APBB2: variants seen among roughly 807,000 people sequenced by gnomAD.
APBB2 encodes amyloid beta precursor protein binding family B member 2.
Under a neutral mutation model 82.5 loss-of-function variants are expected in APBB2, and 38 were observed. The ratio of observed to expected loss-of-function variants is 0.46; its 90% CI spans 0.36 to 0.60. The LOEUF is 0.60. APBB2 is among the 20% of genes least tolerant of loss of function. APBB2 has a pLI of 0.00. For missense variants in APBB2, 772 were observed against 972.3 expected, an observed-to-expected ratio of 0.79 and a Z score of 2.74; for synonymous variants, 341 against 368.2, an observed-to-expected ratio of 0.93 and a Z score of 0.85.
At chr4:40,909,573 C>T (rs2154362072) in intron 10 of APBB2, among the ~76,000 whole-genome samples, 1 of 152,254 alleles carries the variant, frequency 6.6e-6, no homozygotes, top group Middle Eastern at 3.4e-3. Flanking sequence ...ATTATGAGTC[C>T]TATTTTTATC....
chr4:40,908,434 C>T (rs1777652078), intron 10 of APBB2, among the ~76,000 whole-genome samples: 2 of 152,290 alleles, frequency 1.3e-5, no homozygotes, highest in African/African-American at 2.4e-5. Context: ...CCTGTCACCG[C>T]GCCTTGCTGC....
rs542950608 is a variant in APBB2 at position 40,832,293 on chromosome 4, C to T, written c.1530-1716G>A. On this transcript the variant is annotated intron_variant, in intron 12 of 17. Coordinates refer to ENST00000508593, the MANE Select transcript of APBB2 (RefSeq NM_004307.2). This position sits in a 1 kb window ranked among gnomAD's most constrained non-coding sequence, Gnocchi z 4.8. ...CAACTGGCCATCGTGAAGGTCTGGC[C>T]GGAAAACCCTGCCTCGCAACCTCAC... Among the ~76,000 whole-genome samples the T allele has an allele frequency of 5.3e-5, 8 of 152,268 alleles. No homozygotes were observed. The highest frequency in any genetic ancestry group is 4.1e-4 in the South Asian group (2 of 4,828).
At chr4:41,166,819 C>T (rs867574997) in intron 1 of APBB2, among the ~76,000 whole-genome samples, 58 of 151,910 alleles carry the variant, frequency 3.8e-4, no homozygotes, top group Non-Finnish European at 1.0e-4. Context: ...TTCGCTTGAA[C>T]CCAGGAGGCA....
At chr4:40,959,850 A>G (rs1216085270) in intron 6 of APBB2, among the ~76,000 whole-genome samples, 1 of 152,182 alleles carries the variant, frequency 6.6e-6, no homozygotes, top group Non-Finnish European at 1.5e-5. Flanking sequence ...AATTAATCCA[A>G]TCTCACTTGA....
chr4:40,943,498 C>T (rs1030734517), intron 7 of APBB2, among the ~76,000 whole-genome samples: 5 of 152,166 alleles, frequency 3.3e-5, no homozygotes, highest in Non-Finnish European at 7.3e-5. Context: ...TTCTAGGAGG[C>T]CCCCACTGTG....
At position 40,815,847 on chromosome 4, in the gene APBB2, TAAGAAA is replaced by T; in HGVS notation, c.*239_*244del. Reference sequence around the variant, plus strand: ...TAAGTAATGTTCACAATATTTACAATAAGAAAAAGACCTTCCACTGCGCATGATGTA... The same window carrying T: ...TAAGTAATGTTCACAATATTTACAATAAGACCTTCCACTGCGCATGATGTA... On this transcript the variant is annotated 3_prime_UTR_variant, in exon 18 of 18. Coordinates refer to ENST00000508593, the MANE Select transcript of APBB2 (RefSeq NM_004307.2). 2.2e-6 allele frequency: 1 copy of T among 456,706 alleles called. No individual in the cohort carries two copies. 28.3% of individuals were successfully genotyped at this position (456,706 alleles called of 1,614,324 possible). A position where few individuals can be genotyped will look rare whatever the true frequency, so the allele number is the denominator to read the frequency against.
chr4:41,077,408 T>C (rs767319038), intron 3 of APBB2, among the ~76,000 whole-genome samples: 22 of 151,942 alleles, frequency 1.4e-4, no homozygotes, highest in Admixed American at 4.6e-4. Context: ...GTCTTCACAA[T>C]GAATGAAAAA....
At chr4:41,196,213 C>G in intron 1 of APBB2, among the ~76,000 whole-genome samples, 179 of 152,188 alleles carry the variant, frequency 1.2e-3, no homozygotes, top group Non-Finnish European at 2.1e-3. Context: ...CCCATCCCCC[C>G]GTCTAGTTCA....
chr4:41,148,950 A>G (rs773743726), intron 1 of APBB2, among the ~76,000 whole-genome samples: 46 of 152,362 alleles, frequency 3.0e-4, no homozygotes, highest in Non-Finnish European at 4.9e-4. Context: ...CTGCTTCAAT[A>G]CAATGATTTA....
chr4:41,159,154 T>A (rs1366767866), intron 1 of APBB2, among the ~76,000 whole-genome samples: 3 of 152,184 alleles, frequency 2.0e-5, no homozygotes, highest in Non-Finnish European at 4.4e-5. Flanking sequence ...GTAGGGCAAG[T>A]CTCAAACTCA....
At chr4:41,032,757 T>G (rs1190137453) in intron 5 of APBB2, among the ~76,000 whole-genome samples, 1 of 150,878 alleles carries the variant, frequency 6.6e-6, no homozygotes, top group Non-Finnish European at 1.5e-5. Context: ...TGTACTTGAT[T>G]TTAAAGATTC....
At chr4:40,820,260 T>C (rs569173523) in intron 17 of APBB2, among the ~76,000 whole-genome samples, 2 of 152,312 alleles carry the variant, frequency 1.3e-5, no homozygotes, top group South Asian at 2.1e-4. Flanking sequence ...GCTCCTCCTC[T>C]CTCCCATCTG....
chr4:41,167,082 T>C (rs553535443), intron 1 of APBB2, among the ~76,000 whole-genome samples: 10 of 152,162 alleles, frequency 6.6e-5, no homozygotes, highest in Non-Finnish European at 1.3e-4. Flanking sequence ...AAGACACTTA[T>C]GTTTCTTTGC....
intron 3 of APBB2, among the ~76,000 whole-genome samples, chr4:41,072,104 T>C (rs975842351): frequency 2.0e-5 from 3 of 152,068 alleles, no homozygotes; most frequent in Admixed American, 2.0e-4. Flanking sequence ...ATAAATACAC[T>C]CTGGAGAGCC....
chr4:40,835,660 A>T (rs905246312), intron 12 of APBB2, among the ~76,000 whole-genome samples: 3 of 152,218 alleles, frequency 2.0e-5, no homozygotes, highest in Non-Finnish European at 4.4e-5. Context: ...TCTTGCCAGG[A>T]CTGGCCCTTA....
intron 1 of APBB2, among the ~76,000 whole-genome samples, chr4:41,185,839 T>C (rs1772746008): frequency 1.3e-5 from 2 of 152,234 alleles, no homozygotes; most frequent in Non-Finnish European, 2.9e-5. Context: ...TGAGGAGTGT[T>C]GTGTGTGTTT....
At chr4:41,024,037 T>C (rs2154434723) in intron 5 of APBB2, among the ~76,000 whole-genome samples, 1 of 152,256 alleles carries the variant, frequency 6.6e-6, no homozygotes. Context: ...CATACATCTA[T>C]GACCATCTTA....
intron 1 of APBB2, among the ~76,000 whole-genome samples, chr4:41,157,517 T>C (rs987650768): frequency 3.3e-5 from 5 of 152,016 alleles, no homozygotes; most frequent in African/African-American, 1.2e-4. Context: ...AATGAGCAAA[T>C]ATGAGAGATG....
chr4:40,848,861 TC>T, intron 12 of APBB2: 1 of 985,168 alleles, frequency 1.0e-6, no homozygotes, highest in Non-Finnish European at 1.2e-6. Context: ...CATCACTGCC[TC>T]CAAAAGAACC....
Sources: allele counts gnomAD v4.1 joint callset (sites outside exome capture counted in the v4.1 genomes callset), GRCh38; gene constraint gnomAD v4.1.1; non-coding constraint Gnocchi (gnomAD v3.1); transcripts MANE v1.5; gene names NCBI Gene and HGNC (gene_info 2026-07-23, HGNC 2026-07-21).